The following KCNQ1 variants were observed in gnomAD, a reference collection of about 807,000 sequenced individuals.
The protein encoded by KCNQ1 is potassium voltage-gated channel subfamily KQT member 1.
A neutral mutation model predicts 72.4 loss-of-function variants in KCNQ1; 49 were observed. The ratio of observed to expected loss-of-function variants is 0.68; its 90% CI spans 0.54 to 0.86. The LOEUF (loss-of-function observed/expected upper bound fraction) is 0.86, where lower values mean the gene tolerates loss of function less well. Ranked by LOEUF, KCNQ1 falls within the 40% of genes least tolerant of loss-of-function variation. The pLI is 0.00. For synonymous variants in KCNQ1, 450 were observed against 412.6 expected (o/e 1.09, Z -1.10); for missense variants, 790 against 945.1 (o/e 0.84, Z 2.15).
intron 15 of KCNQ1, among the ~76,000 whole-genome samples, chr11:2,804,496 G>A (rs576424184): frequency 4.6e-5 from 7 of 152,344 alleles, no homozygotes; most frequent in South Asian, 2.1e-4. Context: ...GAACAGAGCC[G>A]GCTGCTCCCC....
rs1850584567 is a variant in KCNQ1 at position 2,691,344 on chromosome 11, A to G, written c.1514+29263A>G. 1 of 398,616 alleles carries G rather than the reference A, an allele frequency of 2.5e-6. No homozygotes were observed. The highest frequency in any genetic ancestry group is 2.1e-5 in the African/African-American group (1 of 48,748). The allele number at this position is 398,616 out of a possible 1,614,324, so 24.7% of individuals were successfully genotyped here. On this transcript the variant is annotated intron_variant, in intron 11 of 15. Transcript: ENST00000155840. This position sits in a 1 kb window ranked among gnomAD's most constrained non-coding sequence, Gnocchi z 6.4. ...GCTACAATCCACTGCACTTACAGTGACCACCCATCCTGACATCTTGGGCTC... is the reference window on the plus strand; with the variant it reads ...GCTACAATCCACTGCACTTACAGTGGCCACCCATCCTGACATCTTGGGCTC...
At chr11:2,646,411 T>G in intron 10 of KCNQ1, 1 of 398,654 alleles carries the variant, frequency 2.5e-6, no homozygotes, top group Non-Finnish European at 4.4e-6. Flanking sequence ...ATTGTGGAAA[T>G]CTTTCACCTC....
At chr11:2,838,911 G>A (rs1052671110) in intron 15 of KCNQ1, among the ~76,000 whole-genome samples, 4 of 152,002 alleles carry the variant, frequency 2.6e-5, no homozygotes, top group Non-Finnish European at 5.9e-5. Flanking sequence ...CCCACCGCCA[G>A]CACAAACACG....
rs1264347353 is a variant in KCNQ1, at chr11:2,613,717, A to AT, written c.1393+24865dup. On this transcript the variant is annotated intron_variant, in intron 10 of 15. Transcript: ENST00000155840. This position sits in a 1 kb window ranked among gnomAD's most constrained non-coding sequence, Gnocchi z 4.8. ...ATTTTATTTTTTGAATACATATAAC[A>AT]TTAACATACTTCCAAAAGTCAATAC... 2 of 398,462 alleles carry AT rather than the reference A, an allele frequency of 5.0e-6. No individual in the cohort carries two copies. The highest frequency in any genetic ancestry group is 4.1e-5 in the African/African-American group (2 of 48,634). The allele number at this position is 398,462 out of a possible 1,614,324, so 24.7% of individuals were successfully genotyped here.
At chr11:2,790,084 C>T (rs991890245) in intron 15 of KCNQ1, among the ~76,000 whole-genome samples, 2 of 152,186 alleles carry the variant, frequency 1.3e-5, no homozygotes, top group African/African-American at 4.8e-5. Flanking sequence ...GTCATGACCC[C>T]CAGATCATAT....
At chr11:2,456,789 ATT>A (rs1290240716) in intron 1 of KCNQ1, among the ~76,000 whole-genome samples, 11 of 123,536 alleles carry the variant, frequency 8.9e-5, no homozygotes, top group South Asian at 5.5e-4. Flanking sequence ...AAAAAAAAAA[ATT>A]AGCCGGGCGT....
At chr11:2,751,914 G>C (rs1212476676) in intron 11 of KCNQ1, among the ~76,000 whole-genome samples, 1 of 152,198 alleles carries the variant, frequency 6.6e-6, no homozygotes, top group Non-Finnish European at 1.5e-5. Flanking sequence ...ACCTTCCTCT[G>C]AGCCCCTCGT....
intron 15 of KCNQ1, among the ~76,000 whole-genome samples, chr11:2,798,930 G>C (rs567458396): frequency 2.0e-5 from 3 of 152,278 alleles, no homozygotes; most frequent in African/African-American, 7.2e-5. Context: ...GGGAAGGAGA[G>C]GAAGAAGAGG....
At chr11:2,529,624 C>A (rs530045067) in intron 2 of KCNQ1, among the ~76,000 whole-genome samples, 2 of 152,188 alleles carry the variant, frequency 1.3e-5, no homozygotes. Flanking sequence ...ACTTTCCTGG[C>A]GTCTGCGAAA....
In KCNQ1 at chr11:2,623,643, G is replaced by A. The variant is rs1436009762; in HGVS notation, c.1393+34789G>A. The A allele has an allele frequency of 1.3e-5, 5 of 398,324 alleles. No homozygotes were observed. Among genetic ancestry groups the A allele is most frequent in the Non-Finnish European group, 2.2e-5 (5 of 226,022 alleles). The allele number at this position is 398,324 out of a possible 1,614,324, so 24.7% of individuals were successfully genotyped here. On this transcript the variant is annotated intron_variant, in intron 10 of 15. Coordinates refer to ENST00000155840, the MANE Select transcript of KCNQ1 (RefSeq NM_000218.3). This position sits in a 1 kb window ranked among gnomAD's most constrained non-coding sequence, Gnocchi z 5.2. ...ATGAATAATATTTCATTGCCTGGAT[G>A]TACTACAGTTTATCTGTCTACTCAC...
At position 2,620,625 on chromosome 11, in the gene KCNQ1, G is replaced by C; in HGVS notation, c.1393+31771G>C. 2.5e-6 allele frequency: 1 copy of C among 397,874 alleles called. No individual in the cohort carries two copies. Among genetic ancestry groups the C allele is most frequent in the Non-Finnish European group, 4.4e-6 (1 of 225,976 alleles). The allele number at this position is 397,874 out of a possible 1,614,324, so 24.6% of individuals were successfully genotyped here. ...TCTAAGTGGATTCCATGTCTTTGCT[G>C]TTGTGAATAGTGCTGTGATGAACAT... On this transcript the variant is annotated intron_variant, in intron 10 of 15. Coordinates refer to ENST00000155840, the MANE Select transcript of KCNQ1 (RefSeq NM_000218.3). This position sits in a 1 kb window ranked among gnomAD's most constrained non-coding sequence, Gnocchi z 4.5.
At chr11:2,503,176 A>G (rs540999609) in intron 1 of KCNQ1, among the ~76,000 whole-genome samples, 2 of 152,330 alleles carry the variant, frequency 1.3e-5, no homozygotes, top group South Asian at 4.1e-4. Context: ...GCAAAAATGG[A>G]CAAATGGGAT....
At chr11:2,847,151 C>A (rs922161149) in intron 15 of KCNQ1, among the ~76,000 whole-genome samples, 5 of 151,998 alleles carry the variant, frequency 3.3e-5, no homozygotes, top group African/African-American at 1.2e-4. Context: ...GCCCTGTGCC[C>A]TGCAAGCCCC....
chr11:2,630,428 A>C, intron 10 of KCNQ1: 1 of 398,358 alleles, frequency 2.5e-6, no homozygotes, highest in East Asian at 3.6e-5. Flanking sequence ...AGCCTTGTAA[A>C]ATAAGTTGGG....
chr11:2,564,376 C>T lies in KCNQ1; in HGVS notation c.478-6252C>T, dbSNP rs151182430. Among the ~76,000 whole-genome samples the T allele has an allele frequency of 0.011, 1,630 of 152,224 alleles. 26 individuals are homozygous for T. Among genetic ancestry groups the T allele is most frequent in the African/African-American group, 0.037 (1,539 of 41,540 alleles). On this transcript the variant is annotated intron_variant, in intron 2 of 15. Coordinates refer to ENST00000155840, the MANE Select transcript of KCNQ1 (RefSeq NM_000218.3). This position sits in a 1 kb window ranked among gnomAD's most constrained non-coding sequence, Gnocchi z 4.5. ...TGGAAGGCTGAGGCGGGCGGATCAC[C>T]TGAGGTCAGGAGTTTGAGACCAGCC... is the stretch of plus-strand genomic sequence containing the variant.
At chr11:2,727,084 C>A (rs1418186206) in intron 11 of KCNQ1, among the ~76,000 whole-genome samples, 1 of 152,220 alleles carries the variant, frequency 6.6e-6, no homozygotes, top group Non-Finnish European at 1.5e-5. Flanking sequence ...GCTTCTACCT[C>A]TTAGGTCCTG....
In KCNQ1 at chr11:2,828,814, G is replaced by C. The variant is rs553633946; in HGVS notation, c.1795-18953G>C. On this transcript the variant is annotated intron_variant, in intron 15 of 15. Coordinates refer to ENST00000155840, the MANE Select transcript of KCNQ1 (RefSeq NM_000218.3). This position sits in a 1 kb window ranked among gnomAD's most constrained non-coding sequence, Gnocchi z 5.3. The stretch of plus-strand genomic sequence containing the variant: ...TCCCTCATCAACTCCCAGAATGCCC[G>C]GTGGGGCACACCATTGTTTTCAGAA... Among the ~76,000 whole-genome samples the C allele has an allele frequency of 6.6e-6, 1 of 152,168 alleles. No homozygotes were observed. Among genetic ancestry groups the C allele is most frequent in the African/African-American group, 2.4e-5 (1 of 41,432 alleles).
chr11:2,848,140 T>C lies in KCNQ1; in HGVS notation c.*137T>C. On this transcript the variant is annotated 3_prime_UTR_variant, in exon 16 of 16. Transcript: ENST00000155840. ...CACTCTCAGAGGCCCCAATACCCCA[T>C]GGACCATGCTGTCTGGCACAGCCTG... 2.6e-6 allele frequency: 2 copies of C among 782,480 alleles called. No individual in the cohort carries two copies. The highest frequency in any genetic ancestry group is 2.0e-5 in the Admixed American group (1 of 49,012). 48.5% of individuals were successfully genotyped at this position (782,480 alleles called of 1,614,324 possible).
At chr11:2,775,344 A>G (rs1393183528) in intron 12 of KCNQ1, among the ~76,000 whole-genome samples, 1 of 152,200 alleles carries the variant, frequency 6.6e-6, no homozygotes, top group Non-Finnish European at 1.5e-5. Flanking sequence ...GCCCTGCCTC[A>G]CATGGCCCCA....
Sources: gnomAD v4.1 joint callset for allele counts (sites outside exome capture counted in the v4.1 genomes callset) on GRCh38, gnomAD v4.1.1 for gene constraint, Gnocchi (gnomAD v3.1) non-coding constraint, MANE v1.5 for transcripts, NCBI Gene and HGNC (gene_info 2026-07-23, HGNC 2026-07-21) for gene names.